The following FAT3 variants were observed in gnomAD, a reference collection of about 807,000 sequenced individuals.
FAT3 encodes the protein FAT atypical cadherin 3.
A neutral mutation model predicts 310.2 loss-of-function variants in FAT3; 95 were observed. The observed-to-expected ratio is 0.31, with a 90% CI of 0.26 to 0.36. FAT3 has a LOEUF of 0.36. FAT3 is among the 10% of genes least tolerant of loss of function. FAT3 has a pLI of 1.00. For missense variants in FAT3, 5,408 were observed against 5,715.6 expected, an observed-to-expected ratio of 0.95 and a Z score of 1.74; for synonymous variants, 2,314 against 2,192.9, an observed-to-expected ratio of 1.06 and a Z score of -1.54.
rs1949971936 is a variant in FAT3 at position 92,894,075 on chromosome 11, G to A, written c.*2962G>A. ...TTGAGCATGGGAGTCACCTGGTTCT[G>A]ATGGACCCTCTGACTTCCACCATTC... is the stretch of plus-strand genomic sequence containing the variant. On this transcript the variant is annotated 3_prime_UTR_variant, in exon 28 of 28. Transcript: ENST00000525166. The A allele has an allele frequency of 6.6e-6, 1 of 152,188 alleles. No homozygotes were observed. Among genetic ancestry groups the A allele is most frequent in the East Asian group, 1.9e-4 (1 of 5,196 alleles). 9.4% of individuals were successfully genotyped at this position (152,188 alleles called of 1,614,324 possible). A position where few individuals can be genotyped will look rare whatever the true frequency, so the allele number is the denominator to read the frequency against.
intron 4 of FAT3, among the ~76,000 whole-genome samples, chr11:92,713,390 C>T (rs2676171): frequency 0.15 from 23,350 of 152,210 alleles, 1,919 homozygotes; most frequent in African/African-American, 0.19. Context: ...GAACACTAAA[C>T]TCAACAATGA....
intron 3 of FAT3, among the ~76,000 whole-genome samples, chr11:92,526,506 T>A (rs1030061830): frequency 5.3e-5 from 8 of 152,180 alleles, no homozygotes; most frequent in South Asian, 2.1e-4. Flanking sequence ...ACCCTTTTTT[T>A]AAAGAATTTA....
chr11:92,402,446 C>G (rs527304300), intron 2 of FAT3, among the ~76,000 whole-genome samples: 1 of 151,962 alleles, frequency 6.6e-6, no homozygotes, highest in Non-Finnish European at 1.5e-5. Context: ...CAAGAATTCT[C>G]GGTCTGGGTG....
At chr11:92,565,902 T>C (rs1485470263) in intron 3 of FAT3, among the ~76,000 whole-genome samples, 1 of 152,050 alleles carries the variant, frequency 6.6e-6, no homozygotes, top group Non-Finnish European at 1.5e-5. Context: ...TAATAAGAGC[T>C]ATCTATGACA....
At chr11:92,830,970 C>T (rs536144665) in intron 13 of FAT3, among the ~76,000 whole-genome samples, 1 of 152,266 alleles carries the variant, frequency 6.6e-6, no homozygotes, top group Admixed American at 6.5e-5. Flanking sequence ...TTGTTCAGGC[C>T]GCCAAGATCA....
chr11:92,832,729 G>A (rs1017773957), intron 14 of FAT3, among the ~76,000 whole-genome samples: 11 of 152,252 alleles, frequency 7.2e-5, no homozygotes, highest in Middle Eastern at 3.4e-3. Context: ...TAAGTCATAT[G>A]TGCACATGTT....
At chr11:92,279,007 G>A (rs1271043986) in intron 1 of FAT3, among the ~76,000 whole-genome samples, 1 of 152,158 alleles carries the variant, frequency 6.6e-6, no homozygotes, top group Admixed American at 6.6e-5. Context: ...ATGAGGAAAT[G>A]AAAACAGTAA....
chr11:92,246,038 A>C (rs762209913), intron 1 of FAT3, among the ~76,000 whole-genome samples: 2 of 152,102 alleles, frequency 1.3e-5, no homozygotes, highest in Non-Finnish European at 2.9e-5. Context: ...ACGCTGAAAG[A>C]GGCCATTGGA....
chr11:92,737,677 A>T (rs1360582302), intron 4 of FAT3, among the ~76,000 whole-genome samples: 1 of 152,184 alleles, frequency 6.6e-6, no homozygotes, highest in Non-Finnish European at 1.5e-5. Context: ...TACTAAAAAT[A>T]AGCAGTCAGA....
At chr11:92,279,535 C>T (rs775596151) in intron 1 of FAT3, among the ~76,000 whole-genome samples, 1 of 151,890 alleles carries the variant, frequency 6.6e-6, no homozygotes, top group South Asian at 2.1e-4. Flanking sequence ...ACACACACAC[C>T]CACCAAAAAA....
intron 1 of FAT3, among the ~76,000 whole-genome samples, chr11:92,254,286 A>C (rs1865233199): frequency 6.6e-6 from 1 of 152,312 alleles, no homozygotes; most frequent in East Asian, 1.9e-4. Flanking sequence ...GACAAGATTT[A>C]AGAAATGTTG....
chr11:92,338,311 C>G (rs1350115120), intron 1 of FAT3, among the ~76,000 whole-genome samples: 1 of 152,112 alleles, frequency 6.6e-6, no homozygotes, highest in Admixed American at 6.6e-5. Context: ...AGAAAACTAT[C>G]TACTTACCTA....
intron 3 of FAT3, among the ~76,000 whole-genome samples, chr11:92,601,995 C>G (rs1243032275): frequency 6.6e-6 from 1 of 152,108 alleles, no homozygotes; most frequent in Non-Finnish European, 1.5e-5. Flanking sequence ...GCCTCTCCCT[C>G]CGTAAGAGGA....
At chr11:92,356,975 C>A (rs927795037) in intron 2 of FAT3, among the ~76,000 whole-genome samples, 1 of 152,116 alleles carries the variant, frequency 6.6e-6, no homozygotes, top group African/African-American at 2.4e-5. Context: ...TAAAATTGGT[C>A]TCCGTGGCTA....
intron 13 of FAT3, among the ~76,000 whole-genome samples, chr11:92,817,138 G>C (rs1947845124): frequency 6.6e-6 from 1 of 152,154 alleles, no homozygotes; most frequent in Non-Finnish European, 1.5e-5. Flanking sequence ...ACTGCCATCT[G>C]AGATAAGCAG....
At chr11:92,386,893 C>T (rs940066150) in intron 2 of FAT3, among the ~76,000 whole-genome samples, 7 of 152,176 alleles carry the variant, frequency 4.6e-5, no homozygotes, top group African/African-American at 1.7e-4. Context: ...CATCTTTTCC[C>T]ATTCCTTTTC....
Position 92,524,618 on chromosome 11 carries a change from C to A in FAT3, c.3293-16C>A, listed in dbSNP as rs1953789441. ...CCCTTTCTCTGTGACAGTAACACTT[C>A]TCTTTTTTGTCTCAGGGGTCATCAC... On this transcript the variant is annotated splice_polypyrimidine_tract_variant and intron_variant, in intron 2 of 27. Transcript: ENST00000525166. The A allele has an allele frequency of 3.1e-6, 5 of 1,603,886 alleles. No homozygotes were observed. Among genetic ancestry groups the A allele is most frequent in the Non-Finnish European group, 3.4e-6 (4 of 1,172,738 alleles).
chr11:92,555,396 A>G (rs1037032918), intron 3 of FAT3, among the ~76,000 whole-genome samples: 2 of 152,216 alleles, frequency 1.3e-5, no homozygotes, highest in African/African-American at 4.8e-5. Flanking sequence ...TTAGTTTTAA[A>G]TTGAAATGGG....
chr11:92,788,704 A>G (rs1946961933), intron 7 of FAT3, among the ~76,000 whole-genome samples: 1 of 152,176 alleles, frequency 6.6e-6, no homozygotes, highest in Admixed American at 6.5e-5. Context: ...AAAAAAGGAA[A>G]TTGAACCTTA....
Sources: allele counts gnomAD v4.1 joint callset (sites outside exome capture counted in the v4.1 genomes callset), GRCh38; gene constraint gnomAD v4.1.1; transcripts MANE v1.5; gene names NCBI Gene and HGNC (gene_info 2026-07-23, HGNC 2026-07-21).